Variants in DUSP13B observed in about 807,000 individuals in gnomAD.
DUSP13B encodes the protein dual specificity protein phosphatase 13B.
At chr10:75,101,537 G>A in the DUSP13B span, among the ~76,000 whole-genome samples, 2 of 152,262 alleles carry the variant, frequency 1.3e-5, no homozygotes, top group African/African-American at 4.8e-5. Context: ...GACAGAGCTA[G>A]GTGCTCACAT....
the DUSP13B span, among the ~76,000 whole-genome samples, chr10:75,097,283 A>G: frequency 2.6e-5 from 4 of 151,690 alleles, no homozygotes; most frequent in South Asian, 6.2e-4. Context: ...ATCTCGGCTC[A>G]CTGCAACCTC....
the DUSP13B span, chr10:75,097,998 G>A: frequency 1.1e-6 from 1 of 939,752 alleles, no homozygotes; most frequent in Non-Finnish European, 1.5e-6. Flanking sequence ...CTGCAGGAAG[G>A]GCTTCATCTA....
chr10:75,094,882 T>C, the DUSP13B span: 3 of 1,613,600 alleles, frequency 1.9e-6, no homozygotes, highest in Non-Finnish European at 2.5e-6. Flanking sequence ...ACGCGGCCTG[T>C]AGGGAGAACC....
the DUSP13B span, among the ~76,000 whole-genome samples, chr10:75,105,174 C>G: frequency 2.6e-5 from 4 of 152,146 alleles, no homozygotes; most frequent in East Asian, 7.8e-4. Flanking sequence ...AAAGTTTTCT[C>G]TGTGGCACTG....
the DUSP13B span, chr10:75,099,041 C>T: frequency 8.1e-7 from 1 of 1,232,374 alleles, no homozygotes; most frequent in East Asian, 3.2e-5. Flanking sequence ...CCCCACGACT[C>T]AGGCCAGCAC....
At chr10:75,102,231 C>A in the DUSP13B span, among the ~76,000 whole-genome samples, 1 of 152,142 alleles carries the variant, frequency 6.6e-6, no homozygotes, top group East Asian at 1.9e-4. Context: ...AATCCCAGCA[C>A]TTTGGGAAAC....
the DUSP13B span, among the ~76,000 whole-genome samples, chr10:75,100,473 G>A: frequency 1.3e-5 from 2 of 152,244 alleles, no homozygotes; most frequent in Admixed American, 6.5e-5. Flanking sequence ...AGGGGAAGTC[G>A]GTGGTTGTGG....
At chr10:75,105,806 G>A in the DUSP13B span, 1 of 1,551,008 alleles carries the variant, frequency 6.4e-7, no homozygotes, top group Non-Finnish European at 8.7e-7. Context: ...TGCAGCATGA[G>A]GTAGGCCAGG....
the DUSP13B span, among the ~76,000 whole-genome samples, chr10:75,102,679 G>T: frequency 2.6e-5 from 4 of 152,176 alleles, no homozygotes; most frequent in Admixed American, 6.5e-5. Context: ...TGGGCTGGTC[G>T]CGGTGGCTCA....
chr10:75,107,046 A>G, the DUSP13B span, among the ~76,000 whole-genome samples: 477 of 152,278 alleles, frequency 3.1e-3, 2 homozygotes, highest in African/African-American at 0.011. Flanking sequence ...AGTTAAAAGT[A>G]CTTTGGGGGC....
chr10:75,097,787 C>G, the DUSP13B span: 1 of 1,613,876 alleles, frequency 6.2e-7, no homozygotes, highest in East Asian at 2.2e-5. Flanking sequence ...CCACAGCAAG[C>G]GCTGCAGCGA....
chr10:75,105,871 G>A, the DUSP13B span: 2 of 1,546,076 alleles, frequency 1.3e-6, no homozygotes, highest in Non-Finnish European at 8.7e-7. Flanking sequence ...GACCTTGGCT[G>A]AGGAAGACAT....
chr10:75,102,450 AAAAAAGAAAAAAC>A, the DUSP13B span, among the ~76,000 whole-genome samples: 4 of 152,144 alleles, frequency 2.6e-5, no homozygotes, highest in Admixed American at 6.5e-5. Context: ...CTCAAAAAGA[AAAAAAGAAAAAAC>A]AAAAAGAAAA....
the DUSP13B span, among the ~76,000 whole-genome samples, chr10:75,095,976 T>A: frequency 1.3e-5 from 2 of 152,312 alleles, no homozygotes; most frequent in East Asian, 1.9e-4. Flanking sequence ...CTTTTCGGGC[T>A]GGGTGCGGTG....
the DUSP13B span, among the ~76,000 whole-genome samples, chr10:75,101,134 A>C: frequency 6.6e-6 from 1 of 152,234 alleles, no homozygotes; most frequent in East Asian, 1.9e-4. Context: ...CCAGTGGGGA[A>C]CAGCTGTGGG....
chr10:75,097,213 T>C, the DUSP13B span, among the ~76,000 whole-genome samples: 5 of 152,134 alleles, frequency 3.3e-5, no homozygotes, highest in Non-Finnish European at 5.9e-5. Flanking sequence ...TTTCCTTTTT[T>C]TTTTCTTTCT....
At chr10:75,101,132 G>A in the DUSP13B span, among the ~76,000 whole-genome samples, 3 of 152,196 alleles carry the variant, frequency 2.0e-5, no homozygotes, top group African/African-American at 7.2e-5. Context: ...TGCCAGTGGG[G>A]AACAGCTGTG....
chr10:75,100,874 G>A, the DUSP13B span, among the ~76,000 whole-genome samples: 3 of 152,238 alleles, frequency 2.0e-5, no homozygotes, highest in African/African-American at 7.2e-5. Context: ...CTCCCATGAC[G>A]CTGCTCTGTG....
At chr10:75,098,489 C>T in the DUSP13B span, among the ~76,000 whole-genome samples, 8 of 152,168 alleles carry the variant, frequency 5.3e-5, no homozygotes, top group South Asian at 2.1e-4. Context: ...TGGCTGGGCA[C>T]GGTGGCTCAC....
Sources: allele counts gnomAD v4.1 joint callset (sites outside exome capture counted in the v4.1 genomes callset), GRCh38; gene constraint gnomAD v4.1.1; transcripts MANE v1.5; gene names NCBI Gene and HGNC (gene_info 2026-07-23, HGNC 2026-07-21).